The following FBN2 variants were observed in gnomAD, a reference collection of about 807,000 sequenced individuals.
FBN2 encodes fibrillin 2.
A neutral mutation model predicts 355.6 loss-of-function variants in FBN2; 105 were observed. That is an observed-to-expected ratio of 0.30 (90% CI 0.25 to 0.35). FBN2 has a LOEUF of 0.35. Among genes scored for constraint, FBN2 ranks in the 10% least tolerant of loss-of-function variants. The probability of loss-of-function intolerance (pLI) is 1.00; values close to 1 mark genes in which losing one functional copy is unlikely to be tolerated. For synonymous variants in FBN2, 1,350 were observed against 1,301.2 expected (o/e 1.04, Z -0.81); for missense variants, 3,280 against 3,758.7 (o/e 0.87, Z 3.33).
intron 31 of FBN2, among the ~76,000 whole-genome samples, chr5:128,333,510 A>G (rs984396509): frequency 2.6e-5 from 4 of 152,184 alleles, no homozygotes; most frequent in Non-Finnish European, 1.5e-5. Flanking sequence ...TTAAAATTAC[A>G]TGATCATTTG....
intron 4 of FBN2, among the ~76,000 whole-genome samples, chr5:128,523,797 C>A (rs903279660): frequency 6.6e-6 from 1 of 151,952 alleles, no homozygotes; most frequent in South Asian, 2.1e-4. Context: ...TTATCCACCA[C>A]GCCTGGTCCA....
intron 5 of FBN2, among the ~76,000 whole-genome samples, chr5:128,514,809 T>C (rs1364670870): frequency 6.6e-6 from 1 of 152,226 alleles, no homozygotes; most frequent in Non-Finnish European, 1.5e-5. Context: ...TCTTGTTTTA[T>C]TTCTAAATTA....
chr5:128,504,962 G>A (rs1369428293), intron 5 of FBN2, among the ~76,000 whole-genome samples: 1 of 152,136 alleles, frequency 6.6e-6, no homozygotes, highest in African/African-American at 2.4e-5. Context: ...AATTATGGGA[G>A]CAGTTTTCCC....
chr5:128,313,852 C>CAAAA lies in FBN2; in HGVS notation c.4718-1061_4718-1058dup, dbSNP rs70997367. ...TGGGCAACAGAGCGAGACTCTGTCT[C>CAAAA]AAAAAAAAAAAAAAAAAAAAAAAAC... is the stretch of plus-strand genomic sequence containing the variant. On this transcript the variant is annotated intron_variant, in intron 36 of 64. Coordinates refer to ENST00000262464, the MANE Select transcript of FBN2 (RefSeq NM_001999.4). Among the ~76,000 whole-genome samples the CAAAA allele has an allele frequency of 2.7e-4, 13 of 48,206 alleles. 1 individual carries two copies. The highest frequency in any genetic ancestry group is 3.5e-4 in the African/African-American group (4 of 11,290). The allele number at this position is 48,206 out of a possible 152,430, so 31.6% of individuals were successfully genotyped here.
intron 6 of FBN2, among the ~76,000 whole-genome samples, chr5:128,453,580 G>T (rs1268950380): frequency 1.3e-5 from 2 of 151,912 alleles, no homozygotes; most frequent in Non-Finnish European, 2.9e-5. Context: ...CATTTATTTG[G>T]GTAGTAATTC....
At chr5:128,428,047 C>G (rs1294352131) in intron 7 of FBN2, among the ~76,000 whole-genome samples, 3 of 152,166 alleles carry the variant, frequency 2.0e-5, no homozygotes, top group African/African-American at 7.2e-5. Flanking sequence ...TACCCCACAA[C>G]TGATCTGTCA....
chr5:128,511,450 C>T (rs1413504978), intron 5 of FBN2, among the ~76,000 whole-genome samples: 1 of 152,174 alleles, frequency 6.6e-6, no homozygotes, highest in Non-Finnish European at 1.5e-5. Context: ...TCTCTGTGAA[C>T]ATTCAAGGAC....
intron 59 of FBN2, among the ~76,000 whole-genome samples, chr5:128,275,204 A>G (rs915488991): frequency 3.3e-5 from 5 of 152,210 alleles, no homozygotes; most frequent in African/African-American, 1.2e-4. Flanking sequence ...GACCCTACTA[A>G]TTAAAAACTC....
chr5:128,275,066 T>C (rs1188996163), intron 59 of FBN2, among the ~76,000 whole-genome samples: 1 of 152,112 alleles, frequency 6.6e-6, no homozygotes, highest in East Asian at 1.9e-4. Flanking sequence ...AAACAGAATC[T>C]AGAAACTGAT....
chr5:128,386,467 C>A (rs546653763), intron 11 of FBN2, among the ~76,000 whole-genome samples: 2 of 152,182 alleles, frequency 1.3e-5, no homozygotes, highest in South Asian at 4.1e-4. Context: ...ATGCCTCTAG[C>A]TTCGTTCTTT....
chr5:128,484,697 T>C (rs1755288678), intron 5 of FBN2, among the ~76,000 whole-genome samples: 2 of 152,172 alleles, frequency 1.3e-5, no homozygotes, highest in South Asian at 4.1e-4. Flanking sequence ...AAGAAAACCT[T>C]ATAAGACATG....
chr5:128,437,799 TAGATAGATAGATAG>T (rs1753810618), intron 7 of FBN2, among the ~76,000 whole-genome samples: 2 of 151,298 alleles, frequency 1.3e-5, no homozygotes, highest in African/African-American at 4.9e-5. Flanking sequence ...GATAGATAGA[TAGATAGATAGATAG>T]ATAGATAGAC....
intron 34 of FBN2, among the ~76,000 whole-genome samples, chr5:128,322,905 A>G (rs1750423539): frequency 6.6e-6 from 1 of 152,172 alleles, no homozygotes; most frequent in African/African-American, 2.4e-5. Flanking sequence ...ATCCATGAGC[A>G]TGGAATGTTT....
intron 5 of FBN2, among the ~76,000 whole-genome samples, chr5:128,509,908 CA>C (rs34282324): frequency 0.5 from 75,532 of 151,968 alleles, 22,022 homozygotes; most frequent in African/African-American, 0.82. Context: ...GGCTTATGTG[CA>C]ACTCTGAGTA....
intron 5 of FBN2, among the ~76,000 whole-genome samples, chr5:128,501,487 G>T (rs1277843791): frequency 1.3e-5 from 2 of 152,152 alleles, no homozygotes; most frequent in Non-Finnish European, 2.9e-5. Context: ...AAGACAGAAA[G>T]AAATGGGTCG....
intron 11 of FBN2, among the ~76,000 whole-genome samples, chr5:128,390,678 G>A (rs1253872818): frequency 6.6e-6 from 1 of 152,196 alleles, no homozygotes; most frequent in African/African-American, 2.4e-5. Context: ...GTTGTTTTGA[G>A]TTGTGCACTC....
intron 7 of FBN2, among the ~76,000 whole-genome samples, chr5:128,422,196 C>T (rs1045312282): frequency 2.0e-5 from 3 of 152,124 alleles, no homozygotes; most frequent in African/African-American, 7.2e-5. Context: ...AACTGTAAGA[C>T]AATAAATCTG....
chr5:128,303,374 A>G (rs559451591), intron 45 of FBN2, among the ~76,000 whole-genome samples: 1 of 152,332 alleles, frequency 6.6e-6, no homozygotes, highest in East Asian at 1.9e-4. Flanking sequence ...AGATGTATTA[A>G]TGAGCAGGTC....
At chr5:128,269,080 A>G (rs1425307799) in intron 62 of FBN2, among the ~76,000 whole-genome samples, 3 of 152,104 alleles carry the variant, frequency 2.0e-5, no homozygotes, top group African/African-American at 4.8e-5. Flanking sequence ...AGGATGTCAA[A>G]TTTTATCTGT....
Sources: allele counts gnomAD v4.1 joint callset (sites outside exome capture counted in the v4.1 genomes callset), GRCh38; gene constraint gnomAD v4.1.1; transcripts MANE v1.5; gene names NCBI Gene and HGNC (gene_info 2026-07-23, HGNC 2026-07-21).